The following TBX4 variants were observed in gnomAD, a reference collection of about 807,000 sequenced individuals.
TBX4 encodes T-box transcription factor TBX4.
Under a neutral mutation model 54.6 loss-of-function variants are expected in TBX4, and 13 were observed. The ratio of observed to expected loss-of-function variants is 0.24; its 90% CI spans 0.15 to 0.38. TBX4 has a LOEUF of 0.38. Among genes scored for constraint, TBX4 ranks in the 10% least tolerant of loss-of-function variants. The pLI, the probability that TBX4 is intolerant of heterozygous loss-of-function variation, is 1.00. For synonymous variants in TBX4, 314 were observed against 306.7 expected (o/e 1.02, Z -0.25); for missense variants, 631 against 728.5 (o/e 0.87, Z 1.54).
chr17:61,478,591 G>A lies in TBX4; in HGVS notation c.550-36G>A, dbSNP rs755059932. ...TCAAGGGCCTGGGGCTTGCGGATGG[G>A]GACCTGGAGCTCAGCATGAGACCCT... On this transcript the variant is annotated intron_variant, in intron 5 of 8. Transcript: ENST00000644296. This position sits in a 1 kb window ranked among gnomAD's most constrained non-coding sequence, Gnocchi z 7.4. 1.9e-6 allele frequency: 3 copies of A among 1,613,992 alleles called. No homozygotes were observed. The Admixed American group carries it at 5.0e-5, about 27-fold the overall frequency.
In TBX4 at chr17:61,468,456, T is replaced by C. The variant is rs116173709; in HGVS notation, c.549+799T>C. ...AGACTGCCCGTGGTTTCTGGGGAAG[T>C]GCAGGGCAGGGGCAGTGGAGGCTTT... On this transcript the variant is annotated intron_variant, in intron 5 of 8. Coordinates refer to ENST00000644296, the MANE Select transcript of TBX4 (RefSeq NM_001321120.2). Among the ~76,000 whole-genome samples, 1,213 of 152,292 alleles carry C rather than the reference T, an allele frequency of 8.0e-3. 22 individuals are homozygous for C. Among genetic ancestry groups the C allele is most frequent in the African/African-American group, 0.028 (1,154 of 41,568 alleles).
chr17:61,472,039 G>A lies in TBX4; in HGVS notation c.549+4382G>A, dbSNP rs973937184. On this transcript the variant is annotated intron_variant, in intron 5 of 8. Transcript: ENST00000644296. This position sits in a 1 kb window ranked among gnomAD's most constrained non-coding sequence, Gnocchi z 4.5. Reference sequence around the variant, plus strand: ...ATTGCAGGCGTGTGCCACCGCGCCCGGCCTGCAGCTGCATAGAATTTTATC... The same window carrying A: ...ATTGCAGGCGTGTGCCACCGCGCCCAGCCTGCAGCTGCATAGAATTTTATC... Among the ~76,000 whole-genome samples the A allele has an allele frequency of 4.0e-5, 6 of 151,798 alleles. No homozygotes were observed. The highest frequency in any genetic ancestry group is 2.0e-4 in the Admixed American group (3 of 15,230).
At position 61,482,989 on chromosome 17, in the gene TBX4, C is replaced by A. The variant is rs199727670; in HGVS notation, c.1114C>A (p.Pro372Thr). The change falls in exon 9 of 9, where the codon CCT (proline) becomes ACT (threonine). Residue 372 changes from proline to threonine, a missense_variant. This residue lies in a region of TBX4 where 354 missense variants were observed against 368.9 expected (regional missense o/e 0.96). Coordinates refer to ENST00000644296, the MANE Select transcript of TBX4 (RefSeq NM_001321120.2). The stretch of plus-strand genomic sequence containing the variant: ...GGAGGATCACTATTTCCGTTCCCCC[C>A]CTCCCTACGACCAGCAAATGCTGAG... ...VGEDHYFRSP[P>T]PYDQQMLSPS... is the part of the protein sequence containing the mutation. The A allele has an allele frequency of 1.2e-4, 200 of 1,613,968 alleles. No homozygotes were observed. Among genetic ancestry groups the A allele is most frequent in the Non-Finnish European group, 1.6e-4 (184 of 1,180,004 alleles).
At chr17:61,482,848 G>C in intron 8 of TBX4, 49 bp from the exon 9 acceptor site, 1 of 1,605,458 alleles carries the variant, frequency 6.2e-7, no homozygotes, top group African/African-American at 1.3e-5. Flanking sequence ...GTGCTCTGGG[G>C]CCTGGGCTGG....
At position 61,483,209 on chromosome 17, in the gene TBX4, C is replaced by T. The variant is rs1284363848; in HGVS notation, c.1334C>T (p.Thr445Met). 1.2e-5 allele frequency: 20 copies of T among 1,614,092 alleles called. No homozygotes were observed. Among genetic ancestry groups the T allele is most frequent in the East Asian group, 1.1e-4 (5 of 44,890 alleles). Residue 445 changes from threonine (T) to methionine (M), a missense_variant, in exon 9 of 9, where the codon ACG (threonine) becomes ATG (methionine). Thr to Met is a moderately conservative substitution (Grantham distance 81). Around this residue, in one of 3 missense-constraint regions of TBX4, gnomAD observed 354 missense variants for 368.9 expected, o/e 0.96. Transcript: ENST00000644296. This position sits in a 1 kb window ranked among gnomAD's most constrained non-coding sequence, Gnocchi z 6.6. ...ACTGTGCCGTACCAGCCCTTCCCCA[C>T]GCACTTCACCGCCACCACCATGATG... is the stretch of plus-strand genomic sequence containing the variant. ...METVPYQPFP[T>M]HFTATTMMPR...
intron 1 of TBX4, among the ~76,000 whole-genome samples, chr17:61,454,061 A>G (rs548318115): frequency 3.7e-4 from 56 of 152,372 alleles, no homozygotes; most frequent in Non-Finnish European, 5.0e-4. Flanking sequence ...CGGCCCTGAA[A>G]TGATGGAACA....
rs916944408 is a variant in TBX4 at position 61,459,368 on chromosome 17, T to G, written c.281+1737T>G. 3.9e-5 allele frequency among the ~76,000 whole-genome samples: 6 copies of G among 152,222 alleles called. No individual in the cohort carries two copies. Among genetic ancestry groups the G allele is most frequent in the African/African-American group, 1.4e-4 (6 of 41,458 alleles). On this transcript the variant is annotated intron_variant, in intron 3 of 8. Transcript: ENST00000644296. This position sits in a 1 kb window ranked among gnomAD's most constrained non-coding sequence, Gnocchi z 4.8. ...ATGGTTGGTAAATGGATAATCCACTTGATCAAGTGCGAAGGGGAATGGGGC... is the reference window on the plus strand; with the variant it reads ...ATGGTTGGTAAATGGATAATCCACTGGATCAAGTGCGAAGGGGAATGGGGC...
In TBX4 at chr17:61,456,510, T is replaced by G. The variant is rs1434816826; in HGVS notation, c.20T>G (p.Leu7Arg). 1.9e-6 allele frequency: 3 copies of G among 1,568,646 alleles called. No homozygotes were observed. The highest frequency in any genetic ancestry group is 2.6e-6 in the Non-Finnish European group (3 of 1,157,410). Residue 7 changes from leucine (L) to arginine (R), a missense_variant, in exon 2 of 9, where the codon CTG (leucine) becomes CGG (arginine). Transcript: ENST00000644296. MLQDKG[L>R]SESEEAFRAP... ...CAGGAGATGCTGCAGGATAAGGGCC[T>G]GTCCGAGAGCGAGGAGGCCTTCCGG...
rs763447195 is a variant in TBX4 at position 61,483,158 on chromosome 17, C to G, written c.1283C>G (p.Thr428Ser). The change falls in exon 9 of 9, where the codon ACC becomes AGC. Residue 428 changes from threonine (T) to serine (S), a missense_variant. Coordinates refer to ENST00000644296, the MANE Select transcript of TBX4 (RefSeq NM_001321120.2). The surrounding 1 kb of genome is among the most constrained non-coding windows in gnomAD (Gnocchi z 6.6). The stretch of plus-strand genomic sequence containing the variant: ...ATGTGGACTTCAGTGTCGCCGTACA[C>G]CAGCTATAGCGTGCAGACGATGGAG... The part of the protein sequence containing the change: ...CNMWTSVSPY[T>S]SYSVQTMETV... 1 of 1,614,164 alleles carries G rather than the reference C, an allele frequency of 6.2e-7. No individual in the cohort carries two copies. Among genetic ancestry groups the G allele is most frequent in the Non-Finnish European group, 8.5e-7 (1 of 1,180,040 alleles).
chr17:61,456,392 G>C, intron 1 of TBX4, 96 bp from the exon 2 acceptor site: 2 of 1,502,000 alleles, frequency 1.3e-6, no homozygotes, highest in Non-Finnish European at 1.8e-6. Context: ...CTGCCTCCGC[G>C]CCCCGCACGA....
In TBX4 at chr17:61,483,756, G is replaced by A; in HGVS notation, c.*240G>A. The A allele has an allele frequency of 1.8e-6, 1 of 553,674 alleles. No homozygotes were observed. Among genetic ancestry groups the A allele is most frequent in the South Asian group, 2.0e-5 (1 of 51,194 alleles). 34.3% of individuals were successfully genotyped at this position (553,674 alleles called of 1,614,324 possible). The stretch of plus-strand genomic sequence containing the variant: ...CACATTTATCTAAGAAGTGATTTTG[G>A]CTGCAGGACCTGGGTCTATTGTTAT... On this transcript the variant is annotated 3_prime_UTR_variant, in exon 9 of 9. Transcript: ENST00000644296. The surrounding 1 kb of genome is among the most constrained non-coding windows in gnomAD (Gnocchi z 6.6).
Position 61,464,771 on chromosome 17 carries a change from G to A in TBX4, c.282-1048G>A, listed in dbSNP as rs2060523190. Among the ~76,000 whole-genome samples the A allele has an allele frequency of 6.6e-6, 1 of 152,192 alleles. No homozygotes were observed. The highest frequency in any genetic ancestry group is 2.1e-4 in the South Asian group (1 of 4,834). ...TGCCCAGAGCGTTTGTGTATGCGCT[G>A]TGCTGTTGTGTGTGCGTATGTGCTG... On this transcript the variant is annotated intron_variant, in intron 3 of 8. Transcript: ENST00000644296. This position sits in a 1 kb window ranked among gnomAD's most constrained non-coding sequence, Gnocchi z 5.8.
Position 61,459,946 on chromosome 17 carries a change from C to T in TBX4, c.281+2315C>T, listed in dbSNP as rs1374708094. On this transcript the variant is annotated intron_variant, in intron 3 of 8. Coordinates refer to ENST00000644296, the MANE Select transcript of TBX4 (RefSeq NM_001321120.2). The surrounding 1 kb of genome is among the most constrained non-coding windows in gnomAD (Gnocchi z 4.8). ...GATCTACGTTACTCAGGCTGTGGTT[C>T]TTCAACATCCTGTCCAGTGCCTCTC... is the stretch of plus-strand genomic sequence containing the variant. Among the ~76,000 whole-genome samples, 1 of 151,538 alleles carries T rather than the reference C, an allele frequency of 6.6e-6. No homozygotes were observed. The highest frequency in any genetic ancestry group is 1.5e-5 in the Non-Finnish European group (1 of 67,986).
In TBX4 at chr17:61,457,716, G is replaced by C; in HGVS notation, c.281+85G>C. The stretch of plus-strand genomic sequence containing the variant: ...GTCCCTTAGAAGTCCTCTCGGCCCC[G>C]GCCTGGTGGCCTGTGGGAGGCCTCT... On this transcript the variant is annotated intron_variant, in intron 3 of 8. Coordinates refer to ENST00000644296, the MANE Select transcript of TBX4 (RefSeq NM_001321120.2). This position sits in a 1 kb window ranked among gnomAD's most constrained non-coding sequence, Gnocchi z 8.2. The C allele has an allele frequency of 3.8e-6, 5 of 1,313,652 alleles. No individual in the cohort carries two copies. Among genetic ancestry groups the C allele is most frequent in the Non-Finnish European group, 5.4e-6 (5 of 926,936 alleles). The allele number at this position is 1,313,652 out of a possible 1,614,324, so 81.4% of individuals were successfully genotyped here. A position where few individuals can be genotyped will look rare whatever the true frequency, so the allele number is the denominator to read the frequency against.
In TBX4 at chr17:61,478,414, G is replaced by A; in HGVS notation, c.550-213G>A. On this transcript the variant is annotated intron_variant, in intron 5 of 8. Coordinates refer to ENST00000644296, the MANE Select transcript of TBX4 (RefSeq NM_001321120.2). The surrounding 1 kb of genome is among the most constrained non-coding windows in gnomAD (Gnocchi z 7.4). Reference sequence around the variant, plus strand: ...GGGCCTGGAGCTGGGCATTAGTGCTGGTGCAGAGAGGCTAAGTAGGGCTGG... The same window carrying A: ...GGGCCTGGAGCTGGGCATTAGTGCTAGTGCAGAGAGGCTAAGTAGGGCTGG... The A allele has an allele frequency of 1.6e-6, 1 of 619,252 alleles. No homozygotes were observed. The allele number at this position is 619,252 out of a possible 1,614,324, so 38.4% of individuals were successfully genotyped here.
At chr17:61,470,764 C>T (rs942266531) in intron 5 of TBX4, among the ~76,000 whole-genome samples, 2 of 152,210 alleles carry the variant, frequency 1.3e-5, no homozygotes, top group Admixed American at 6.5e-5. Flanking sequence ...ACAGAAGCTG[C>T]CTGCCCACTG....
Position 61,472,115 on chromosome 17 carries a change from ATGT to A in TBX4, c.549+4460_549+4462del, listed in dbSNP as rs999658843. Among the ~76,000 whole-genome samples the A allele has an allele frequency of 6.6e-6, 1 of 152,024 alleles. No homozygotes were observed. Among genetic ancestry groups the A allele is most frequent in the African/African-American group, 2.4e-5 (1 of 41,388 alleles). ...AGCCAGTTCTTGTTGAAGGAATTAG[ATGT>A]TTTTTTATTCTTTGCTCTTCTGATT... On this transcript the variant is annotated intron_variant, in intron 5 of 8. Transcript: ENST00000644296. This position sits in a 1 kb window ranked among gnomAD's most constrained non-coding sequence, Gnocchi z 4.5.
Position 61,465,361 on chromosome 17 carries a change from G to A in TBX4, c.282-458G>A, listed in dbSNP as rs9891905. Reference sequence around the variant, plus strand: ...CTCATTATTTATGGAAGCAGCTGACGGGGGTTTCCGTCCCCCTATAACTGC... The same window carrying A: ...CTCATTATTTATGGAAGCAGCTGACAGGGGTTTCCGTCCCCCTATAACTGC... On this transcript the variant is annotated intron_variant, in intron 3 of 8. Coordinates refer to ENST00000644296, the MANE Select transcript of TBX4 (RefSeq NM_001321120.2). This position sits in a 1 kb window ranked among gnomAD's most constrained non-coding sequence, Gnocchi z 4.9. Among the ~76,000 whole-genome samples the A allele has an allele frequency of 0.043, 6,603 of 152,256 alleles. 461 individuals carry two copies. Among genetic ancestry groups the A allele is most frequent in the African/African-American group, 0.15 (6,259 of 41,514 alleles).
chr17:61,458,586 C>T (rs1433151199), intron 3 of TBX4, among the ~76,000 whole-genome samples: 2 of 152,100 alleles, frequency 1.3e-5, no homozygotes, highest in Non-Finnish European at 2.9e-5. Context: ...TGGAGTCAGA[C>T]CACGGTGGGT....
Sources: gnomAD v4.1 joint callset for allele counts (sites outside exome capture counted in the v4.1 genomes callset) on GRCh38, gnomAD v4.1.1 for gene constraint, gnomAD v4.1.1 regional missense constraint, Gnocchi (gnomAD v3.1) non-coding constraint, MANE v1.5 for transcripts, NCBI Gene and HGNC (gene_info 2026-07-23, HGNC 2026-07-21) for gene names.